Variants in OR5A2 observed in about 807,000 individuals in gnomAD.
The protein encoded by OR5A2 is olfactory receptor 5A2.
For missense variants in OR5A2, 406 were observed against 398.9 expected, an observed-to-expected ratio of 1.02 and a Z score of -0.15; for synonymous variants, 155 against 151.1, an observed-to-expected ratio of 1.03 and a Z score of -0.19.
Position 59,419,371 on chromosome 11 carries a change from G to A in OR5A2, c.*2608C>T, listed in dbSNP as rs916168375. The A allele has an allele frequency of 7.2e-5, 11 of 152,058 alleles. No individual in the cohort carries two copies. The highest frequency in any genetic ancestry group is 1.7e-4 in the African/African-American group (7 of 41,400). The allele number at this position is 152,058 out of a possible 1,614,324, so 9.4% of individuals were successfully genotyped here. On this transcript the variant is annotated 3_prime_UTR_variant, in exon 2 of 2. Transcript: ENST00000302040. ...AAGTATTACCATATGCCAGGCACTGGGCTAAGCCCTCTTTATGCATATTCT... is the reference window on the plus strand; with the variant it reads ...AAGTATTACCATATGCCAGGCACTGAGCTAAGCCCTCTTTATGCATATTCT...
chr11:59,422,073 C>T lies in OR5A2; in HGVS notation c.881G>A (p.Arg294Lys). 1.9e-6 allele frequency: 3 copies of T among 1,614,056 alleles called. No individual in the cohort carries two copies. In the Admixed American group the frequency reaches 5.0e-5, roughly 27 times the overall value. Reference sequence around the variant, plus strand: ...CATGGCATTTTTAATCTCCTTATTCCTAAAACTGTAGATGATGGGATTCAC... The same window carrying T: ...CATGGCATTTTTAATCTCCTTATTCTTAAAACTGTAGATGATGGGATTCAC... ...PVVNPIIYSF[R>K]NKEIKNAMRK... The change falls in exon 2 of 2, where the codon AGG (arginine) becomes AAG (lysine). Residue 294 changes from arginine to lysine, a missense_variant. Transcript: ENST00000302040.
chr11:59,422,405 A>G lies in OR5A2; in HGVS notation c.549T>C (p.Pro183=), dbSNP rs183296645. 3.0e-5 allele frequency: 49 copies of G among 1,614,166 alleles called. No individual in the cohort carries two copies. In the Admixed American group the frequency reaches 7.2e-4, roughly 24 times the overall value. ...YMINHFFCDL[P]PVLALSCSDT... ...CAGAGCAGGACAGAGCCAGGACTGGAGGGAGGTCACAGAAAAAGTGGTTGA... is the reference window on the plus strand; with the variant it reads ...CAGAGCAGGACAGAGCCAGGACTGGGGGGAGGTCACAGAAAAAGTGGTTGA... The change falls in exon 2 of 2, where the codon CCT becomes CCC. Residue 183 remains proline (P), a synonymous_variant. Coordinates refer to ENST00000302040, the MANE Select transcript of OR5A2 (RefSeq NM_001001954.2).
At position 59,426,377 on chromosome 11, in the gene OR5A2, A is replaced by T. The variant is rs1858304757; in HGVS notation, c.-298T>A. 6.6e-6 allele frequency: 1 copy of T among 152,196 alleles called. No individual in the cohort carries two copies. The highest frequency in any genetic ancestry group is 2.1e-4 in the South Asian group (1 of 4,826). 9.4% of individuals were successfully genotyped at this position (152,196 alleles called of 1,614,324 possible). A position where few individuals can be genotyped will look rare whatever the true frequency, so the allele number is the denominator to read the frequency against. On this transcript the variant is annotated 5_prime_UTR_variant, in exon 1 of 2. Coordinates refer to ENST00000302040, the MANE Select transcript of OR5A2 (RefSeq NM_001001954.2). The stretch of plus-strand genomic sequence containing the variant: ...CTGGAATCTCCGCTCCTTTGTTAAC[A>T]AGTCTTCCAAATAAATGGGCTGTGG...
chr11:59,420,868 A>C lies in OR5A2; in HGVS notation c.*1111T>G, dbSNP rs1472026337. The C allele has an allele frequency of 6.6e-6, 1 of 152,198 alleles. No homozygotes were observed. The highest frequency in any genetic ancestry group is 1.5e-5 in the Non-Finnish European group (1 of 68,026). 9.4% of individuals were successfully genotyped at this position (152,198 alleles called of 1,614,324 possible). On this transcript the variant is annotated 3_prime_UTR_variant, in exon 2 of 2. Coordinates refer to ENST00000302040, the MANE Select transcript of OR5A2 (RefSeq NM_001001954.2). ...TCTCTTTAGATTCCTAAGAAACTTT[A>C]ATTGTCAGTTAGAAAGCTGTCACTT...
rs1345929488 is a variant in OR5A2 at position 59,421,789 on chromosome 11, A to G, written c.*190T>C. ...GGCAGAGCATTTAAAATCTCAAACTATACAATGCTATTCATTTTACAAGCA... is the reference window on the plus strand; with the variant it reads ...GGCAGAGCATTTAAAATCTCAAACTGTACAATGCTATTCATTTTACAAGCA... On this transcript the variant is annotated 3_prime_UTR_variant, in exon 2 of 2. Transcript: ENST00000302040. The G allele has an allele frequency of 9.2e-6, 5 of 543,732 alleles. No individual in the cohort carries two copies. The African/African-American group carries it at 1.1e-4, about 12-fold the overall frequency. The allele number at this position is 543,732 out of a possible 1,614,324, so 33.7% of individuals were successfully genotyped here. A position where few individuals can be genotyped will look rare whatever the true frequency, so the allele number is the denominator to read the frequency against.
rs567748869 is a variant in OR5A2 at position 59,419,568 on chromosome 11, T to G, written c.*2411A>C. On this transcript the variant is annotated 3_prime_UTR_variant, in exon 2 of 2. Transcript: ENST00000302040. ...AGGTGGTCGGGGTACAGCTTGGTTT[T>G]ATATATTTTAGGGAAGCATGATACA... is the stretch of plus-strand genomic sequence containing the variant. 1 of 152,290 alleles carries G rather than the reference T, an allele frequency of 6.6e-6. No homozygotes were observed. The highest frequency in any genetic ancestry group is 2.1e-4 in the South Asian group (1 of 4,832). 9.4% of individuals were successfully genotyped at this position (152,290 alleles called of 1,614,324 possible). A position where few individuals can be genotyped will look rare whatever the true frequency, so the allele number is the denominator to read the frequency against.
rs1344837905 is a variant in OR5A2, at chr11:59,421,392, G to C, written c.*587C>G. 1 of 152,506 alleles carries C rather than the reference G, an allele frequency of 6.6e-6. No individual in the cohort carries two copies. The highest frequency in any genetic ancestry group is 1.5e-5 in the Non-Finnish European group (1 of 68,324). 9.4% of individuals were successfully genotyped at this position (152,506 alleles called of 1,614,324 possible). A position where few individuals can be genotyped will look rare whatever the true frequency, so the allele number is the denominator to read the frequency against. Reference sequence around the variant, plus strand: ...CACTGGAGATTGCAATTAAACATGAGATGTGAATGGGGACAAATATCCAAA... The same window carrying C: ...CACTGGAGATTGCAATTAAACATGACATGTGAATGGGGACAAATATCCAAA... On this transcript the variant is annotated 3_prime_UTR_variant, in exon 2 of 2. Transcript: ENST00000302040.
Position 59,422,353 on chromosome 11 carries a change from A to C in OR5A2, c.601T>G (p.Phe201Val). The change falls in exon 2 of 2, where the codon TTC (phenylalanine) becomes GTC (valine). Residue 201 changes from phenylalanine (F) to valine (V), a missense_variant. Physicochemically the swap from Phe to Val is conservative, Grantham distance 50. Coordinates refer to ENST00000302040, the MANE Select transcript of OR5A2 (RefSeq NM_001001954.2). ...SDTFTSEVVT[F>V]IVSVVVGIVS... ...ATTCCAACGACAACACTGACTATGAAGGTCACCACCTCGCTGGTGAAGGTA... is the reference window on the plus strand; with the variant it reads ...ATTCCAACGACAACACTGACTATGACGGTCACCACCTCGCTGGTGAAGGTA... 1 of 1,614,142 alleles carries C rather than the reference A, an allele frequency of 6.2e-7. No homozygotes were observed. The highest frequency in any genetic ancestry group is 8.5e-7 in the Non-Finnish European group (1 of 1,180,024).
At position 59,420,865 on chromosome 11, in the gene OR5A2, TTTAA is replaced by T. The variant is rs1391004913; in HGVS notation, c.*1110_*1113del. The T allele has an allele frequency of 6.6e-6, 1 of 152,226 alleles. No homozygotes were observed. The highest frequency in any genetic ancestry group is 1.5e-5 in the Non-Finnish European group (1 of 68,034). 9.4% of individuals were successfully genotyped at this position (152,226 alleles called of 1,614,324 possible). ...GCTTCTCTTTAGATTCCTAAGAAAC[TTTAA>T]TTGTCAGTTAGAAAGCTGTCACTTT... On this transcript the variant is annotated 3_prime_UTR_variant, in exon 2 of 2. Transcript: ENST00000302040.
chr11:59,423,724 G>A (rs1354672732), intron 1 of OR5A2: 1 of 152,112 alleles, frequency 6.6e-6, no homozygotes, highest in Non-Finnish European at 1.5e-5. Context: ...CACTTAGCAT[G>A]CTTAAGACCA....
At chr11:59,423,069 C>G in intron 1 of OR5A2, 25 bp from the exon 2 acceptor site, 1 of 1,082,764 alleles carries the variant, frequency 9.2e-7, no homozygotes, top group Non-Finnish European at 1.3e-6. Context: ...AAACAGTCAG[C>G]AACAAGTTAA....
Position 59,423,015 on chromosome 11 carries a change from T to A in OR5A2, c.-62A>T, listed in dbSNP as rs183638617. 9 of 1,510,592 alleles carry A rather than the reference T, an allele frequency of 6.0e-6. No individual in the cohort carries two copies. The African/African-American group carries it at 9.8e-5, about 16-fold the overall frequency. The allele number at this position is 1,510,592 out of a possible 1,614,324, so 93.6% of individuals were successfully genotyped here. On this transcript the variant is annotated 5_prime_UTR_variant, in exon 2 of 2. Transcript: ENST00000302040. ...TTAAGAATCCTGTGGTCAGCTAGAT[T>A]TTGTTTGTTATTGTAAGAGTGGGTA... is the stretch of plus-strand genomic sequence containing the variant.
Position 59,422,503 on chromosome 11 carries a change from C to T in OR5A2, c.451G>A (p.Val151Met). ...LCLKMVVGAY[V>M]GGFLSSFIET... is the part of the protein sequence containing the mutation. ...ATGAAAGAACTAAGGAATCCACCCA[C>T]ATAGGCGCCAACCACCATCTTTAAA... Residue 151 changes from valine (V) to methionine (M), a missense_variant, in exon 2 of 2, where the codon GTG becomes ATG. Transcript: ENST00000302040. 6.2e-7 allele frequency: 1 copy of T among 1,614,162 alleles called. No homozygotes were observed. The highest frequency in any genetic ancestry group is 1.6e-4 in the Middle Eastern group (1 of 6,062).
At chr11:59,423,914 T>C (rs768265546) in intron 1 of OR5A2, 1 of 152,240 alleles carries the variant, frequency 6.6e-6, no homozygotes. Context: ...TGAGCCATTG[T>C]GGTCAAGAAC....
chr11:59,423,369 T>C (rs1858256792), intron 1 of OR5A2: 1 of 159,580 alleles, frequency 6.3e-6, no homozygotes, highest in Non-Finnish European at 1.4e-5. Context: ...TCCCTATGGC[T>C]TTTTTAGACT....
In OR5A2 at chr11:59,422,480, G is replaced by A; in HGVS notation, c.474C>T (p.Phe158=). The part of the protein sequence containing the change: ...GAYVGGFLSS[F]IETYSVYQHD... The stretch of plus-strand genomic sequence containing the variant: ...GCTGATAGACAGAGTATGTTTCAAT[G>A]AAAGAACTAAGGAATCCACCCACAT... The change falls in exon 2 of 2, where the codon TTC becomes TTT. Residue 158 remains phenylalanine (F), a synonymous_variant. Transcript: ENST00000302040. 1.2e-6 allele frequency: 2 copies of A among 1,614,156 alleles called. No individual in the cohort carries two copies. Among genetic ancestry groups the A allele is most frequent in the Non-Finnish European group, 1.7e-6 (2 of 1,180,028 alleles).
chr11:59,425,925 CACAA>C (rs1281586392), intron 1 of OR5A2: 1 of 152,092 alleles, frequency 6.6e-6, no homozygotes, highest in African/African-American at 2.4e-5. Flanking sequence ...TATAATTAAT[CACAA>C]ACAATAATCA....
chr11:59,422,048 C>T lies in OR5A2; in HGVS notation c.906G>A (p.Met302Ile), dbSNP rs1162023461. ...SFRNKEIKNA[M>I]RKAMERDPGI... ...CGGGGTCCCTTTCCATGGCTTTCCT[C>T]ATGGCATTTTTAATCTCCTTATTCC... Residue 302 changes from methionine (M) to isoleucine (I), a missense_variant, in exon 2 of 2, where the codon ATG becomes ATA. Met to Ile is a conservative substitution (Grantham distance 10). Coordinates refer to ENST00000302040, the MANE Select transcript of OR5A2 (RefSeq NM_001001954.2). 6.2e-7 allele frequency: 1 copy of T among 1,614,022 alleles called. No homozygotes were observed. Among genetic ancestry groups the T allele is most frequent in the Admixed American group, 1.7e-5 (1 of 59,998 alleles).
chr11:59,421,917 A>G lies in OR5A2; in HGVS notation c.*62T>C. On this transcript the variant is annotated 3_prime_UTR_variant, in exon 2 of 2. Transcript: ENST00000302040. ...TTCCCACAATTCATTCTATAGATCAACTAGTTTAAAATTATGTAAATGTCT... is the reference window on the plus strand; with the variant it reads ...TTCCCACAATTCATTCTATAGATCAGCTAGTTTAAAATTATGTAAATGTCT... 1 of 1,470,692 alleles carries G rather than the reference A, an allele frequency of 6.8e-7. No homozygotes were observed. Among genetic ancestry groups the G allele is most frequent in the Non-Finnish European group, 9.1e-7 (1 of 1,095,344 alleles). The allele number at this position is 1,470,692 out of a possible 1,614,324, so 91.1% of individuals were successfully genotyped here.
Sources: gnomAD v4.1 joint callset for allele counts on GRCh38, gnomAD v4.1.1 for gene constraint, MANE v1.5 for transcripts, NCBI Gene and HGNC (gene_info 2026-07-23, HGNC 2026-07-21) for gene names.